The following CBFA2T2 variants were observed in gnomAD, a reference collection of about 807,000 sequenced individuals.
CBFA2T2 encodes CBFA2/RUNX1 partner transcriptional co-repressor 2.
In CBFA2T2, 11 loss-of-function variants were observed where a neutral mutation model predicts 62.2. That is an observed-to-expected ratio of 0.18 (90% CI 0.11 to 0.29). The LOEUF (loss-of-function observed/expected upper bound fraction) is 0.29. Among genes scored for constraint, CBFA2T2 ranks in the 10% least tolerant of loss-of-function variants. The probability of loss-of-function intolerance (pLI) is 1.00; values close to 1 mark genes in which losing one functional copy is unlikely to be tolerated. For missense variants in CBFA2T2, 592 were observed against 774.1 expected, an observed-to-expected ratio of 0.76 and a Z score of 2.79; for synonymous variants, 295 against 287.5, an observed-to-expected ratio of 1.03 and a Z score of -0.27.
chr20:33,640,454 C>A lies in CBFA2T2; in HGVS notation c.1411C>A (p.Gln471Lys), dbSNP rs1388458334. 6.2e-7 allele frequency: 1 copy of A among 1,614,138 alleles called. No individual in the cohort carries two copies. The highest frequency in any genetic ancestry group is 1.7e-5 in the Admixed American group (1 of 60,012). ...TGCAACAGAGAGAGCACGAATGGAGCAAACCATAGCGGATGTCAAGCGGCA... is the reference window on the plus strand; with the variant it reads ...TGCAACAGAGAGAGCACGAATGGAGAAAACCATAGCGGATGTCAAGCGGCA... ...VIATERARME[Q>K]TIADVKRQAA... is the part of the protein sequence containing the mutation. Residue 471 changes from glutamine (Q) to lysine (K), a missense_variant, in exon 10 of 11, where the codon CAA becomes AAA. Gln to Lys is a moderately conservative substitution (Grantham distance 53, BLOSUM62 1). This residue lies in a region of CBFA2T2 where 58 missense variants were observed against 123.9 expected (regional missense o/e 0.47). Transcript: ENST00000342704.
chr20:33,624,236 T>TTAAAAAAA (rs2016123935), intron 5 of CBFA2T2, among the ~76,000 whole-genome samples: 1 of 70,026 alleles, frequency 1.4e-5, no homozygotes, highest in African/African-American at 4.4e-5. Context: ...TTTTTAAAAG[T>TTAAAAAAA]AAAAAAAAAA....
chr20:33,561,943 C>T lies in CBFA2T2; in HGVS notation c.35-45013C>T, dbSNP rs117307746. Among the ~76,000 whole-genome samples the T allele has an allele frequency of 8.8e-3, 1,340 of 152,158 alleles. 13 individuals are homozygous for T. Among genetic ancestry groups the T allele is most frequent in the Middle Eastern group, 0.017 (5 of 294 alleles). ...TTATATTCCCCAAATTAATTTGCAA[C>T]TTTATATTTTTCATCCAATTATATG... On this transcript the variant is annotated intron_variant, in intron 1 of 10. Transcript: ENST00000342704.
At chr20:33,537,900 C>CTTAAGTTA (rs1481492134) in intron 1 of CBFA2T2, among the ~76,000 whole-genome samples, 2 of 151,636 alleles carry the variant, frequency 1.3e-5, no homozygotes, top group African/African-American at 4.8e-5. Context: ...TGAAGTGAGG[C>CTTAAGTTA]AGTTTTAGTC....
In CBFA2T2 at chr20:33,647,147, G is replaced by A. The variant is rs951306868; in HGVS notation, c.*2501G>A. ...CTTGGTGGGGAACTCTAAGGGGGAC[G>A]GAGTCAGTACCCCGGACAGGGCCAC... On this transcript the variant is annotated 3_prime_UTR_variant, in exon 11 of 11. Transcript: ENST00000342704. 2.6e-5 allele frequency: 4 copies of A among 152,232 alleles called. No homozygotes were observed. The highest frequency in any genetic ancestry group is 1.3e-4 in the Admixed American group (2 of 15,284). 9.4% of individuals were successfully genotyped at this position (152,232 alleles called of 1,614,324 possible).
At chr20:33,541,868 A>G (rs1055137569) in intron 1 of CBFA2T2, among the ~76,000 whole-genome samples, 1 of 151,604 alleles carries the variant, frequency 6.6e-6, no homozygotes, top group African/African-American at 2.4e-5. Context: ...TTAGTGCTAC[A>G]GGTTTTTGTT....
rs1357076126 is a variant in CBFA2T2 at position 33,554,176 on chromosome 20, ACTT to A, written c.35-52777_35-52775del. Among the ~76,000 whole-genome samples the A allele has an allele frequency of 2.0e-5, 3 of 152,082 alleles. No individual in the cohort carries two copies. In the East Asian group the frequency reaches 5.8e-4, roughly 29 times the overall value. On this transcript the variant is annotated intron_variant, in intron 1 of 10. Transcript: ENST00000342704. ...AACATTCCAGGTTGCTGTTTGCAGA[ACTT>A]CTGTGCAAGTAAGGAGTTATTACAA...
At chr20:33,532,585 T>C (rs1038308858) in intron 1 of CBFA2T2, among the ~76,000 whole-genome samples, 22 of 152,240 alleles carry the variant, frequency 1.4e-4, no homozygotes, top group African/African-American at 5.3e-4. Context: ...TCTTTGAATG[T>C]TCACTATCAA....
At chr20:33,633,523 T>C (rs2016528411) in intron 8 of CBFA2T2, among the ~76,000 whole-genome samples, 1 of 152,224 alleles carries the variant, frequency 6.6e-6, no homozygotes, top group African/African-American at 2.4e-5. Flanking sequence ...CCATTTAAAT[T>C]AATGCAATGT....
At chr20:33,538,613 A>C (rs2012328531) in intron 1 of CBFA2T2, among the ~76,000 whole-genome samples, 1 of 151,824 alleles carries the variant, frequency 6.6e-6, no homozygotes, top group African/African-American at 2.4e-5. Context: ...TAATCCACCC[A>C]CCTCGGCCTC....
chr20:33,576,040 G>A (rs1178120410), intron 1 of CBFA2T2, among the ~76,000 whole-genome samples: 1 of 152,048 alleles, frequency 6.6e-6, no homozygotes, highest in Non-Finnish European at 1.5e-5. Flanking sequence ...GCCCACCTTG[G>A]CCTCCCAAAG....
chr20:33,520,809 G>A (rs751112437), intron 1 of CBFA2T2, among the ~76,000 whole-genome samples: 8 of 151,768 alleles, frequency 5.3e-5, no homozygotes, highest in Admixed American at 1.3e-4. Context: ...ACTTTTCAAC[G>A]TTCAAACTAA....
At chr20:33,558,812 C>T (rs1025613990) in intron 1 of CBFA2T2, among the ~76,000 whole-genome samples, 2 of 150,990 alleles carry the variant, frequency 1.3e-5, no homozygotes, top group Non-Finnish European at 2.9e-5. Flanking sequence ...ATCAATTTTT[C>T]GCCAACTGTT....
chr20:33,587,052 CA>C (rs1340452144), intron 1 of CBFA2T2, among the ~76,000 whole-genome samples: 1 of 152,038 alleles, frequency 6.6e-6, no homozygotes, highest in East Asian at 1.9e-4. Flanking sequence ...AGTGATTCTG[CA>C]ACCTAAACTT....
At chr20:33,571,420 T>A (rs1298805789) in intron 1 of CBFA2T2, among the ~76,000 whole-genome samples, 2 of 152,252 alleles carry the variant, frequency 1.3e-5, no homozygotes, top group Admixed American at 1.3e-4. Context: ...TGATTACTTT[T>A]AAAATTTTAA....
intron 1 of CBFA2T2, among the ~76,000 whole-genome samples, chr20:33,584,042 G>A (rs1601008440): frequency 1.3e-5 from 2 of 152,090 alleles, no homozygotes. Context: ...CTGCCTCCCA[G>A]GTTCAAGTGA....
At chr20:33,499,230 TAGG>T (rs1000739575) in intron 1 of CBFA2T2, among the ~76,000 whole-genome samples, 2 of 152,054 alleles carry the variant, frequency 1.3e-5, no homozygotes, top group African/African-American at 4.8e-5. Flanking sequence ...GTAATGAAAA[TAGG>T]AGGAAGAGGT....
intron 1 of CBFA2T2, among the ~76,000 whole-genome samples, chr20:33,554,016 T>G (rs1394540982): frequency 6.6e-6 from 1 of 151,984 alleles, no homozygotes; most frequent in Non-Finnish European, 1.5e-5. Flanking sequence ...ATAAAAAGAT[T>G]GGTTTGGTTT....
intron 1 of CBFA2T2, among the ~76,000 whole-genome samples, chr20:33,552,739 C>G (rs968709413): frequency 2.6e-5 from 4 of 152,156 alleles, no homozygotes; most frequent in South Asian, 2.1e-4. Context: ...GAAATGTCCC[C>G]TTGCTTGTCA....
In CBFA2T2 at chr20:33,588,381, T is replaced by C. The variant is rs146708791; in HGVS notation, c.35-18575T>C. ...AGAAATATATATATATAAATATATA[T>C]AGATCAACAAATGAATAATGAACAA... On this transcript the variant is annotated intron_variant, in intron 1 of 10. Transcript: ENST00000342704. 4.2e-3 allele frequency among the ~76,000 whole-genome samples: 636 copies of C among 151,152 alleles called. 4 individuals are homozygous for C. Among genetic ancestry groups the C allele is most frequent in the African/African-American group, 0.014 (590 of 41,346 alleles).
Sources: gnomAD v4.1 joint callset for allele counts (sites outside exome capture counted in the v4.1 genomes callset) on GRCh38, gnomAD v4.1.1 for gene constraint, gnomAD v4.1.1 regional missense constraint, MANE v1.5 for transcripts, NCBI Gene and HGNC (gene_info 2026-07-23, HGNC 2026-07-21) for gene names.